The following RESF1 variants were observed in gnomAD, a reference collection of about 807,000 sequenced individuals.
RESF1 encodes the protein retroelement silencing factor 1.
RESF1 carries 65 observed loss-of-function variants against 134.7 expected under a neutral mutation model. That is an observed-to-expected ratio of 0.48 (90% CI 0.40 to 0.59). The LOEUF (loss-of-function observed/expected upper bound fraction) is 0.59. Ranked by LOEUF, RESF1 falls within the 20% of genes least tolerant of loss-of-function variation. RESF1 has a pLI of 0.00. For synonymous variants in RESF1, 762 were observed against 702.2 expected, an observed-to-expected ratio of 1.09 and a Z score of -1.35; for missense variants, 2,274 against 2,002.7, an observed-to-expected ratio of 1.14 and a Z score of -2.59.
At chr12:31,963,900 A>G (rs1263513761) in intron 2 of RESF1, among the ~76,000 whole-genome samples, 1 of 152,178 alleles carries the variant, frequency 6.6e-6, no homozygotes, top group African/African-American at 2.4e-5. Flanking sequence ...ATTCCGTTGT[A>G]TGGATATGCC....
intron 5 of RESF1, 57 bp from the exon 6 acceptor site, chr12:31,992,317 TTATA>T: frequency 7.2e-7 from 1 of 1,387,186 alleles, no homozygotes. Flanking sequence ...TGAATTTTGA[TTATA>T]TATTGATCAC....
rs1440920021 is a variant in RESF1 at position 31,992,505 on chromosome 12, C to G, written c.5214C>G (p.Ser1738Arg). ...AACAGATGTACCTGGAGAAGAGAAG[C>G]AGAAGCCTTGGTAGCAGTCCTGTAA... ...TYKQMYLEKR[S>R]RSLGSSPVK The change falls in exon 6 of 6, where the codon AGC (serine) becomes AGG (arginine). Residue 1738 changes from serine (S) to arginine (R), a missense_variant. Coordinates refer to ENST00000312561, the MANE Select transcript of RESF1 (RefSeq NM_018169.4). The G allele has an allele frequency of 6.2e-7, 1 of 1,613,868 alleles. No individual in the cohort carries two copies. Among genetic ancestry groups the G allele is most frequent in the Non-Finnish European group, 8.5e-7 (1 of 1,179,914 alleles).
intron 5 of RESF1, among the ~76,000 whole-genome samples, chr12:31,990,393 A>C (rs1244321407): frequency 6.6e-6 from 1 of 152,194 alleles, no homozygotes; most frequent in African/African-American, 2.4e-5. Context: ...CTAAGGGAGG[A>C]GAAAAAAATC....
rs772574817 is a variant in RESF1, at chr12:31,985,388, A to T, written c.4433A>T (p.His1478Leu). The T allele has an allele frequency of 6.2e-7, 1 of 1,604,056 alleles. No individual in the cohort carries two copies. The highest frequency in any genetic ancestry group is 2.2e-5 in the East Asian group (1 of 44,848). ...AAAAACGTGCCATGTGATTCTGAAC[A>T]TATGAGACCAAGTAAACTTGCCGTG... ...CVKNVPCDSE[H>L]MRPSKLAVQV... Residue 1478 changes from histidine (H) to leucine (L), a missense_variant, in exon 4 of 6, where the codon CAT (histidine) becomes CTT (leucine). Physicochemically the swap from His to Leu is moderately conservative, Grantham distance 99. Transcript: ENST00000312561.
intron 2 of RESF1, among the ~76,000 whole-genome samples, chr12:31,967,751 C>A (rs917493514): frequency 6.6e-6 from 1 of 151,994 alleles, no homozygotes; most frequent in Non-Finnish European, 1.5e-5. Context: ...CTTGCTGCCA[C>A]CACCCAGCGT....
chr12:31,965,804 T>C (rs1367823986), intron 2 of RESF1, among the ~76,000 whole-genome samples: 1 of 149,302 alleles, frequency 6.7e-6, no homozygotes, highest in Admixed American at 6.8e-5. Context: ...GGCAGGAGAA[T>C]CGCTTAAACT....
At chr12:31,989,690 A>G (rs1344796785) in intron 5 of RESF1, among the ~76,000 whole-genome samples, 2 of 152,146 alleles carry the variant, frequency 1.3e-5, no homozygotes. Context: ...CATGCCTACT[A>G]AAAATATAAA....
At position 31,981,484 on chromosome 12, in the gene RESF1, C is replaced by A; in HGVS notation, c.529C>A (p.Pro177Thr). 6.2e-7 allele frequency: 1 copy of A among 1,614,114 alleles called. No homozygotes were observed. Among genetic ancestry groups the A allele is most frequent in the Non-Finnish European group, 8.5e-7 (1 of 1,180,014 alleles). Residue 177 changes from proline (P) to threonine (T), a missense_variant, in exon 4 of 6, where the codon CCT becomes ACT. Pro to Thr is a conservative substitution (Grantham distance 38, BLOSUM62 -1). Transcript: ENST00000312561. ...QMIPSNSTRL[P>T]VAYQGNQGLN... Reference sequence around the variant, plus strand: ...GATCCCTTCTAATTCTACACGACTTCCTGTAGCTTACCAAGGAAATCAGGG... The same window carrying A: ...GATCCCTTCTAATTCTACACGACTTACTGTAGCTTACCAAGGAAATCAGGG...
In RESF1 at chr12:31,980,908, C is replaced by T. The variant is rs1939765883; in HGVS notation, c.-48C>T. ...TGACATTCAGACAACTGACTTGTAA[C>T]TGACTTATAACTGACTTGTAATACA... On this transcript the variant is annotated 5_prime_UTR_variant, in exon 4 of 6. Coordinates refer to ENST00000312561, the MANE Select transcript of RESF1 (RefSeq NM_018169.4). 2 of 1,362,716 alleles carry T rather than the reference C, an allele frequency of 1.5e-6. No individual in the cohort carries two copies. Among genetic ancestry groups the T allele is most frequent in the Non-Finnish European group, 2.0e-6 (2 of 997,058 alleles). The allele number at this position is 1,362,716 out of a possible 1,614,324, so 84.4% of individuals were successfully genotyped here.
At position 31,982,313 on chromosome 12, in the gene RESF1, C is replaced by T. The variant is rs1187169165; in HGVS notation, c.1358C>T (p.Ser453Phe). The T allele has an allele frequency of 6.2e-7, 1 of 1,614,150 alleles. No individual in the cohort carries two copies. Among genetic ancestry groups the T allele is most frequent in the East Asian group, 2.2e-5 (1 of 44,886 alleles). The part of the protein sequence containing the change: ...LSLKQTAKIQ[S>F]GPQITPVMPE... ...CTAAAACAAACTGCCAAAATCCAGT[C>T]TGGACCCCAGATAACTCCAGTAATG... The change falls in exon 4 of 6, where the codon TCT becomes TTT. Residue 453 changes from serine (S) to phenylalanine (F), a missense_variant. By Grantham distance (155) the Ser-to-Phe change is radical. Transcript: ENST00000312561.
chr12:31,991,680 C>T (rs1006212449), intron 5 of RESF1, among the ~76,000 whole-genome samples: 5 of 152,072 alleles, frequency 3.3e-5, no homozygotes, highest in South Asian at 2.1e-4. Flanking sequence ...GGAGTGCAGT[C>T]GTGTGATATC....
rs1399427239 is a variant in RESF1, at chr12:31,982,132, C to T, written c.1177C>T (p.Leu393=). 2.5e-6 allele frequency: 4 copies of T among 1,613,672 alleles called. No homozygotes were observed. The highest frequency in any genetic ancestry group is 1.7e-5 in the Admixed American group (1 of 59,952). Reference sequence around the variant, plus strand: ...GGACACAAGTGTTGCAAAAGAAAAGCTAGTAAGGGATATTAAAACATTAGT... The same window carrying T: ...GGACACAAGTGTTGCAAAAGAAAAGTTAGTAAGGGATATTAAAACATTAGT... ...VLDTSVAKEK[L]VRDIKTLVEI... The change falls in exon 4 of 6, where the codon CTA becomes TTA. Residue 393 remains leucine, a synonymous_variant. Transcript: ENST00000312561.
At chr12:31,979,388 T>G (rs1939718580) in intron 3 of RESF1, among the ~76,000 whole-genome samples, 1 of 152,186 alleles carries the variant, frequency 6.6e-6, no homozygotes, top group South Asian at 2.1e-4. Flanking sequence ...CTGCCCCCAC[T>G]TGAAGCTAGT....
At chr12:31,960,931 A>G (rs1447779953) in intron 2 of RESF1, 60 bp downstream of exon 2, 5 of 152,220 alleles carry the variant, frequency 3.3e-5, no homozygotes, top group Non-Finnish European at 7.3e-5. Flanking sequence ...TTCACACTCA[A>G]CTATGGAGTA....
chr12:31,981,700 C>T lies in RESF1; in HGVS notation c.745C>T (p.Leu249Phe), dbSNP rs763466311. Residue 249 changes from leucine to phenylalanine, a missense_variant, in exon 4 of 6, where the codon CTT becomes TTT. Physicochemically the swap from Leu to Phe is conservative, Grantham distance 22. Coordinates refer to ENST00000312561, the MANE Select transcript of RESF1 (RefSeq NM_018169.4). ...ATCATTGCAAGTTAAAAATAGTCAG[C>T]TTCTAAATTCTGTATTAACTTTACC... Reference protein sequence around the residue: ...HTSLQVKNSQLLNSVLTLPSR... With the variant: ...HTSLQVKNSQFLNSVLTLPSR... 4 of 1,613,710 alleles carry T rather than the reference C, an allele frequency of 2.5e-6. No homozygotes were observed. Among genetic ancestry groups the T allele is most frequent in the East Asian group, 4.5e-5 (2 of 44,884 alleles).
At chr12:31,963,342 CA>C (rs35032861) in intron 2 of RESF1, among the ~76,000 whole-genome samples, 21,281 of 123,172 alleles carry the variant, frequency 0.17, 1,648 homozygotes, top group East Asian at 0.24. Context: ...GAGACTGTCT[CA>C]AAAAAAAAAA....
chr12:31,975,164 C>T (rs1939602304), intron 3 of RESF1, among the ~76,000 whole-genome samples: 1 of 151,974 alleles, frequency 6.6e-6, no homozygotes, highest in African/African-American at 2.4e-5. Context: ...GTCCCAGCTA[C>T]TCGGGAGGCT....
chr12:31,974,730 G>A (rs964536961), intron 3 of RESF1, among the ~76,000 whole-genome samples: 7 of 152,078 alleles, frequency 4.6e-5, no homozygotes, highest in Non-Finnish European at 5.9e-5. Flanking sequence ...CCAAGTTGAC[G>A]TAAAAGCCAG....
At chr12:31,970,121 T>C (rs1939474585) in intron 2 of RESF1, 68 bp from the exon 3 acceptor site, 1 of 152,224 alleles carries the variant, frequency 6.6e-6, no homozygotes. Flanking sequence ...TTCACAGATA[T>C]TGTTAATCTT....
Sources: allele counts gnomAD v4.1 joint callset (sites outside exome capture counted in the v4.1 genomes callset), GRCh38; gene constraint gnomAD v4.1.1; transcripts MANE v1.5; gene names NCBI Gene and HGNC (gene_info 2026-07-23, HGNC 2026-07-21).